Variants in KIF20A observed in about 807,000 individuals in gnomAD.
KIF20A encodes the protein kinesin family member 20A.
A neutral mutation model predicts 113.0 loss-of-function variants in KIF20A; 66 were observed. The observed-to-expected ratio is 0.58, with a 90% confidence interval of 0.48 to 0.72. KIF20A has a LOEUF of 0.72. Ranked by LOEUF, KIF20A falls within the 30% of genes least tolerant of loss-of-function variation. The probability of loss-of-function intolerance (pLI) is 0.00; values close to 1 mark genes in which losing one functional copy is unlikely to be tolerated. For missense variants in KIF20A, 927 were observed against 1,077.6 expected, an observed-to-expected ratio of 0.86 and a Z score of 1.96; for synonymous variants, 376 against 402.3, an observed-to-expected ratio of 0.93 and a Z score of 0.78.
Position 138,187,492 on chromosome 5 carries a change from C to CT in KIF20A, c.*82dup. On this transcript the variant is annotated 3_prime_UTR_variant, in exon 19 of 19. Transcript: ENST00000394894. ...CCTGAAGAAATAGGTCTCTTTTATG[C>CT]TTTACCATATATCAGGAATTATATC... The CT allele has an allele frequency of 8.6e-7, 1 of 1,157,778 alleles. No homozygotes were observed. Among genetic ancestry groups the CT allele is most frequent in the Non-Finnish European group, 1.2e-6 (1 of 819,526 alleles). 71.7% of individuals were successfully genotyped at this position (1,157,778 alleles called of 1,614,324 possible).
rs1186882028 is a variant in KIF20A at position 138,181,714 on chromosome 5, T to C, written c.361T>C (p.Phe121Leu). The change falls in exon 4 of 19, where the codon TTC (phenylalanine) becomes CTC (leucine). Residue 121 changes from phenylalanine (F) to leucine (L), a missense_variant. By Grantham distance (22) the Phe-to-Leu change is conservative. Coordinates refer to ENST00000394894, the MANE Select transcript of KIF20A (RefSeq NM_005733.3). ...GGGAATTGGCCAAGCCACACACAGGTTCACCTTTTCCCAGGTATGGAGGGT... is the reference window on the plus strand; with the variant it reads ...GGGAATTGGCCAAGCCACACACAGGCTCACCTTTTCCCAGGTATGGAGGGT... ...ERGIGQATHR[F>L]TFSQIFGPEV... 1 of 1,613,948 alleles carries C rather than the reference T, an allele frequency of 6.2e-7. No individual in the cohort carries two copies. Among genetic ancestry groups the C allele is most frequent in the Non-Finnish European group, 8.5e-7 (1 of 1,180,036 alleles).
rs1173135255 is a variant in KIF20A, at chr5:138,183,908, C to A, written c.1209-54C>A. On this transcript the variant is annotated intron_variant, in intron 10 of 18. Coordinates refer to ENST00000394894, the MANE Select transcript of KIF20A (RefSeq NM_005733.3). This position sits in a 1 kb window ranked among gnomAD's most constrained non-coding sequence, Gnocchi z 5.2. ...CCCTCTCCAGAATTATACAAAGGGCCAGAAGGCTCATAACATGTGAGGCCC... is the reference window on the plus strand; with the variant it reads ...CCCTCTCCAGAATTATACAAAGGGCAAGAAGGCTCATAACATGTGAGGCCC... The A allele has an allele frequency of 6.2e-7, 1 of 1,610,290 alleles. No homozygotes were observed. The highest frequency in any genetic ancestry group is 1.3e-5 in the African/African-American group (1 of 74,756).
In KIF20A at chr5:138,183,440, C is replaced by T. The variant is rs756119907; in HGVS notation, c.1028-30C>T. 1.9e-6 allele frequency: 3 copies of T among 1,610,658 alleles called. No individual in the cohort carries two copies. The highest frequency in any genetic ancestry group is 2.2e-5 in the East Asian group (1 of 44,876). ...AGACTGGCAAAAGAGTTGGATGTTC[C>T]CATCTTACACCCCTCTCCTTTGGCC... On this transcript the variant is annotated intron_variant, in intron 8 of 18. Transcript: ENST00000394894. The surrounding 1 kb of genome is among the most constrained non-coding windows in gnomAD (Gnocchi z 5.2).
Position 138,181,516 on chromosome 5 carries a change from G to A in KIF20A, c.255+5G>A. On this transcript the variant is annotated splice_donor_5th_base_variant and intron_variant, in intron 3 of 18. Transcript: ENST00000394894. Reference sequence around the variant, plus strand: ...TTGGAACGACAGGAAGATCAGGTAAGTGTCTGAGAAGGGAGGATTCAAGGT... The same window carrying A: ...TTGGAACGACAGGAAGATCAGGTAAATGTCTGAGAAGGGAGGATTCAAGGT... 1 of 1,614,150 alleles carries A rather than the reference G, an allele frequency of 6.2e-7. No homozygotes were observed. Among genetic ancestry groups the A allele is most frequent in the Non-Finnish European group, 8.5e-7 (1 of 1,179,962 alleles).
At chr5:138,186,111 A>G (rs1754740593) in intron 17 of KIF20A, 59 bp downstream of exon 17, 1 of 1,522,552 alleles carries the variant, frequency 6.6e-7, no homozygotes, top group Admixed American at 1.7e-5. Flanking sequence ...CCCACATCCA[A>G]CACTCTATCA....
intron 18 of KIF20A, among the ~76,000 whole-genome samples, chr5:138,186,875 C>T (rs1422086990): frequency 6.6e-6 from 1 of 152,186 alleles, no homozygotes; most frequent in East Asian, 1.9e-4. Flanking sequence ...CAAGCTCATA[C>T]TACCTTATGT....
rs753159394 is a variant in KIF20A, at chr5:138,183,383, G to A, written c.1027+20G>A. On this transcript the variant is annotated intron_variant, in intron 8 of 18. Transcript: ENST00000394894. The surrounding 1 kb of genome is among the most constrained non-coding windows in gnomAD (Gnocchi z 5.2). ...TGAAAGGTAAAGGAACATGGGGAAA[G>A]CTGGCATGAACCCTGGAGGGCAACT... 6.2e-7 allele frequency: 1 copy of A among 1,613,896 alleles called. No individual in the cohort carries two copies. The highest frequency in any genetic ancestry group is 8.5e-7 in the Non-Finnish European group (1 of 1,179,824).
rs1248863729 is a variant in KIF20A, at chr5:138,183,738, T to C, written c.1190T>C (p.Ile397Thr). ...RILHLQGEGD[I>T]VPKISELSLC... is the part of the protein sequence containing the mutation. ...CTACACCTTCAGGGGGAAGGAGATATAGTCCCCAAGATCAGCGAGTAAGTT... is the reference window on the plus strand; with the variant it reads ...CTACACCTTCAGGGGGAAGGAGATACAGTCCCCAAGATCAGCGAGTAAGTT... The change falls in exon 10 of 19, where the codon ATA becomes ACA. Residue 397 changes from isoleucine (I) to threonine (T), a missense_variant. Ile to Thr is a moderately conservative substitution (Grantham distance 89). Coordinates refer to ENST00000394894, the MANE Select transcript of KIF20A (RefSeq NM_005733.3). The surrounding 1 kb of genome is among the most constrained non-coding windows in gnomAD (Gnocchi z 5.2). 3.1e-6 allele frequency: 5 copies of C among 1,613,432 alleles called. No individual in the cohort carries two copies. The highest frequency in any genetic ancestry group is 4.2e-6 in the Non-Finnish European group (5 of 1,179,570).
rs1340893791 is a variant in KIF20A, at chr5:138,182,995, G to A, written c.832+5G>A. ...CCAGCAGTAGCCAGCTGGATGGTAT[G>A]TACCGTGACTGGGCTCTGCCAAAAA... On this transcript the variant is annotated splice_donor_5th_base_variant and intron_variant, in intron 7 of 18. Coordinates refer to ENST00000394894, the MANE Select transcript of KIF20A (RefSeq NM_005733.3). 1 of 1,613,960 alleles carries A rather than the reference G, an allele frequency of 6.2e-7. No homozygotes were observed. Among genetic ancestry groups the A allele is most frequent in the Non-Finnish European group, 8.5e-7 (1 of 1,180,038 alleles).
chr5:138,186,947 A>G, intron 18 of KIF20A, 149 bp from the exon 19 acceptor site: 1 of 636,750 alleles, frequency 1.6e-6, no homozygotes, highest in Non-Finnish European at 2.6e-6. Flanking sequence ...CCCCTTATTC[A>G]GTTATAAGCT....
Position 138,183,702 on chromosome 5 carries a change from C to G in KIF20A, c.1154C>G (p.Ser385Ter). ...TTAACTTCCAGTCACAGCATCTTCT[C>G]AATCAGGATCCTACACCTTCAGGGG... is the stretch of plus-strand genomic sequence containing the variant. ...QNSSRSHSIF[S>*]IRILHLQGEG... is the part of the protein sequence containing the mutation. The change falls in exon 10 of 19, where the codon TCA becomes TGA. Residue 385 changes from serine (S) to a stop codon, truncating the protein, a stop_gained. Coordinates refer to ENST00000394894, the MANE Select transcript of KIF20A (RefSeq NM_005733.3). LOFTEE classifies it high-confidence loss of function. This position sits in a 1 kb window ranked among gnomAD's most constrained non-coding sequence, Gnocchi z 5.2. The G allele has an allele frequency of 6.2e-7, 1 of 1,613,820 alleles. No individual in the cohort carries two copies. The highest frequency in any genetic ancestry group is 8.5e-7 in the Non-Finnish European group (1 of 1,179,842).
chr5:138,183,585 A>T lies in KIF20A; in HGVS notation c.1139+4A>T, dbSNP rs1754695459. ...TCAACCAGAACTCCAGCCGCAGGTG[A>T]GTAGATTGTAAGAATAAACTCTTCA... On this transcript the variant is annotated splice_donor_region_variant and intron_variant, in intron 9 of 18. Coordinates refer to ENST00000394894, the MANE Select transcript of KIF20A (RefSeq NM_005733.3). The surrounding 1 kb of genome is among the most constrained non-coding windows in gnomAD (Gnocchi z 5.2). The T allele has an allele frequency of 5.6e-6, 9 of 1,613,306 alleles. No individual in the cohort carries two copies. The highest frequency in any genetic ancestry group is 6.8e-6 in the Non-Finnish European group (8 of 1,179,464).
In KIF20A at chr5:138,185,287, A is replaced by G. The variant is rs891389996; in HGVS notation, c.1926+90A>G. The G allele has an allele frequency of 3.3e-6, 3 of 915,558 alleles. No homozygotes were observed. In the African/African-American group the frequency reaches 5.0e-5, roughly 15 times the overall value. The allele number at this position is 915,558 out of a possible 1,614,324, so 56.7% of individuals were successfully genotyped here. Reference sequence around the variant, plus strand: ...AAGAGATTTTATAAACTACTCCAGTAAGGGCAGGAATATATAACTCCCTTT... The same window carrying G: ...AAGAGATTTTATAAACTACTCCAGTGAGGGCAGGAATATATAACTCCCTTT... On this transcript the variant is annotated intron_variant, in intron 15 of 18. Transcript: ENST00000394894.
chr5:138,180,702 G>A (rs1489038551), intron 2 of KIF20A, among the ~76,000 whole-genome samples: 1 of 152,048 alleles, frequency 6.6e-6, no homozygotes, highest in Non-Finnish European at 1.5e-5. Context: ...TCGAGATGGA[G>A]TCTCGCTCTG....
At position 138,184,488 on chromosome 5, in the gene KIF20A, GTAAGATATTTTTTT is replaced by G; in HGVS notation, c.1519-22_1519-9del. The G allele has an allele frequency of 6.2e-7, 1 of 1,610,942 alleles. No individual in the cohort carries two copies. The highest frequency in any genetic ancestry group is 8.5e-7 in the Non-Finnish European group (1 of 1,177,358). On this transcript the variant is annotated splice_polypyrimidine_tract_variant and intron_variant, in intron 12 of 18. Coordinates refer to ENST00000394894, the MANE Select transcript of KIF20A (RefSeq NM_005733.3). Reference sequence around the variant, plus strand: ...TCCTAGGGACTACTTATGGAGTCAAGTAAGATATTTTTTTTCCCTCTAGCTTGTGCATGCCCCAC... The same window carrying G: ...TCCTAGGGACTACTTATGGAGTCAAGTCCCTCTAGCTTGTGCATGCCCCAC...
chr5:138,183,656 T>C lies in KIF20A; in HGVS notation c.1140-32T>C. On this transcript the variant is annotated intron_variant, in intron 9 of 18. Coordinates refer to ENST00000394894, the MANE Select transcript of KIF20A (RefSeq NM_005733.3). This position sits in a 1 kb window ranked among gnomAD's most constrained non-coding sequence, Gnocchi z 5.2. ...GTCCTCTGCCTGGTCATGGAAAATG[T>C]GCAATGACTTTTTGTTTTTCTTAAC... is the stretch of plus-strand genomic sequence containing the variant. The C allele has an allele frequency of 6.2e-7, 1 of 1,610,968 alleles. No individual in the cohort carries two copies. Among genetic ancestry groups the C allele is most frequent in the Non-Finnish European group, 8.5e-7 (1 of 1,177,304 alleles).
Position 138,183,515 on chromosome 5 carries a change from T to C in KIF20A, c.1073T>C (p.Leu358Pro). 6.2e-7 allele frequency: 1 copy of C among 1,614,044 alleles called. No individual in the cohort carries two copies. The highest frequency in any genetic ancestry group is 8.5e-7 in the Non-Finnish European group (1 of 1,180,018). The change falls in exon 9 of 19, where the codon CTC (leucine) becomes CCC (proline). Residue 358 changes from leucine (L) to proline (P), a missense_variant. Transcript: ENST00000394894. This position sits in a 1 kb window ranked among gnomAD's most constrained non-coding sequence, Gnocchi z 5.2. ...CAAGATGCTGAGGAGGCCTGGAAGC[T>C]CCTAAAAGTGGGTCGTAAGAACCAG... is the stretch of plus-strand genomic sequence containing the variant. Reference protein sequence around the residue: ...HVQDAEEAWKLLKVGRKNQSF... With the variant: ...HVQDAEEAWKPLKVGRKNQSF...
In KIF20A at chr5:138,184,307, G is replaced by T; in HGVS notation, c.1421G>T (p.Gly474Val). The T allele has an allele frequency of 6.2e-7, 1 of 1,614,168 alleles. No individual in the cohort carries two copies. The highest frequency in any genetic ancestry group is 8.5e-7 in the Non-Finnish European group (1 of 1,180,026). The change falls in exon 12 of 19, where the codon GGC becomes GTC. Residue 474 changes from glycine to valine, a missense_variant. Coordinates refer to ENST00000394894, the MANE Select transcript of KIF20A (RefSeq NM_005733.3). ...LTRVFQGFFT[G>V]RGRSCMIVNV... is the part of the protein sequence containing the mutation. The stretch of plus-strand genomic sequence containing the variant: ...CGAGTGTTCCAAGGTTTCTTCACAG[G>T]CCGAGGCCGTTCCTGCATGATTGTC...
intron 13 of KIF20A, 63 bp from the exon 14 acceptor site, chr5:138,184,744 G>A: frequency 6.2e-7 from 1 of 1,610,778 alleles, no homozygotes; most frequent in Non-Finnish European, 8.5e-7. Flanking sequence ...TGCCTTCCAG[G>A]TGGGCTTGTG....
Sources: gnomAD v4.1 joint callset for allele counts (sites outside exome capture counted in the v4.1 genomes callset) on GRCh38, gnomAD v4.1.1 for gene constraint, Gnocchi (gnomAD v3.1) non-coding constraint, MANE v1.5 for transcripts, NCBI Gene and HGNC (gene_info 2026-07-23, HGNC 2026-07-21) for gene names.